Variants in CPSF2 observed in about 807,000 individuals in gnomAD.
CPSF2 encodes the protein cleavage and polyadenylation specificity factor subunit 2.
Under a neutral mutation model 84.2 loss-of-function variants are expected in CPSF2, and 51 were observed. The ratio of observed to expected loss-of-function variants is 0.61; its 90% CI spans 0.48 to 0.77. CPSF2 has a LOEUF of 0.77. CPSF2 is among the 30% of genes least tolerant of loss of function. The probability of loss-of-function intolerance (pLI) is 0.00; values close to 1 mark genes in which losing one functional copy is unlikely to be tolerated. For synonymous variants in CPSF2, 286 were observed against 311.9 expected (o/e 0.92, Z 0.87); for missense variants, 641 against 929.4 (o/e 0.69, Z 4.03).
At chr14:92,131,576 C>T (rs1398709788) in intron 3 of CPSF2, among the ~76,000 whole-genome samples, 2 of 152,126 alleles carry the variant, frequency 1.3e-5, no homozygotes, top group African/African-American at 4.8e-5. Flanking sequence ...CAGTGGCTCA[C>T]GCTGGCAATC....
chr14:92,159,351 G>GT (rs371556872), intron 14 of CPSF2, 69 bp downstream of exon 14: 3 of 1,331,354 alleles, frequency 2.3e-6, no homozygotes, highest in African/African-American at 3.0e-5. Context: ...ATGTCTTTTG[G>GT]TTTTTTTCCC....
rs148094968 is a variant in CPSF2, at chr14:92,171,616, C to T, written c.*9872C>T. ...TATTAGTGGAGAATGGTATTTAAAA[C>T]CAAGATCCGGATGCTAAAGGCTGTG... On this transcript the variant is annotated 3_prime_UTR_variant, in exon 16 of 16. Coordinates refer to ENST00000298875, the MANE Select transcript of CPSF2 (RefSeq NM_017437.3). 1.5e-3 allele frequency: 229 copies of T among 152,244 alleles called. No individual in the cohort carries two copies. The highest frequency in any genetic ancestry group is 4.6e-3 in the African/African-American group (193 of 41,538). 9.4% of individuals were successfully genotyped at this position (152,244 alleles called of 1,614,324 possible). A position where few individuals can be genotyped will look rare whatever the true frequency, so the allele number is the denominator to read the frequency against.
intron 9 of CPSF2, among the ~76,000 whole-genome samples, chr14:92,148,495 T>G (rs1273973689): frequency 6.6e-6 from 1 of 152,194 alleles, no homozygotes. Flanking sequence ...ATGACCACAA[T>G]GTCCTTTATA....
chr14:92,122,845 TTTTC>T (rs1178257401), intron 1 of CPSF2, among the ~76,000 whole-genome samples: 138 of 148,640 alleles, frequency 9.3e-4, no homozygotes, highest in Non-Finnish European at 1.3e-3. Flanking sequence ...CCCCTTTCTT[TTTTC>T]TTTCTTTTTT....
At position 92,130,970 on chromosome 14, in the gene CPSF2, T is replaced by C. The variant is rs560501389; in HGVS notation, c.-15T>C. On this transcript the variant is annotated 5_prime_UTR_variant, in exon 3 of 16. Transcript: ENST00000298875. The stretch of plus-strand genomic sequence containing the variant: ...TGAAAGACTCTTCTAGCTTGCTGTT[T>C]CTGGACCAAAAAAAATGACGTCTAT... 57 of 1,608,284 alleles carry C rather than the reference T, an allele frequency of 3.5e-5. No individual in the cohort carries two copies. In the African/African-American group the frequency reaches 6.8e-4, roughly 19 times the overall value.
chr14:92,161,598 T>C (rs766582336), intron 15 of CPSF2, 54 bp from the exon 16 acceptor site: 4 of 1,239,890 alleles, frequency 3.2e-6, no homozygotes, highest in Non-Finnish European at 4.6e-6. Flanking sequence ...TTATTATGTC[T>C]GCATATTAAT....
chr14:92,144,091 T>C (rs1460646678), intron 9 of CPSF2, among the ~76,000 whole-genome samples: 1 of 152,216 alleles, frequency 6.6e-6, no homozygotes, highest in African/African-American at 2.4e-5. Context: ...ATCTTCCATT[T>C]GCAGTTTTTG....
chr14:92,161,868 T>C lies in CPSF2; in HGVS notation c.*124T>C. On this transcript the variant is annotated 3_prime_UTR_variant, in exon 16 of 16. Coordinates refer to ENST00000298875, the MANE Select transcript of CPSF2 (RefSeq NM_017437.3). ...AGAATCTGCCAGAAAAACTTACATG[T>C]ATCAGATTTTTAAAAATATAAATAG... 1.7e-6 allele frequency: 1 copy of C among 594,448 alleles called. No homozygotes were observed. 36.8% of individuals were successfully genotyped at this position (594,448 alleles called of 1,614,324 possible).
chr14:92,157,652 A>G lies in CPSF2; in HGVS notation c.1596-7A>G. On this transcript the variant is annotated splice_polypyrimidine_tract_variant and splice_region_variant and intron_variant, in intron 12 of 15. Transcript: ENST00000298875. The surrounding 1 kb of genome is among the most constrained non-coding windows in gnomAD (Gnocchi z 4.0). ...AAGTAATCTTGAATAATCATATCTA[A>G]TTACAGAGCCCGGGTTACCTACATA... The G allele has an allele frequency of 1.2e-6, 2 of 1,605,380 alleles. No individual in the cohort carries two copies. Among genetic ancestry groups the G allele is most frequent in the Non-Finnish European group, 1.7e-6 (2 of 1,173,046 alleles).
intron 3 of CPSF2, among the ~76,000 whole-genome samples, chr14:92,132,293 C>T (rs1025549729): frequency 1.6e-4 from 25 of 151,776 alleles, no homozygotes; most frequent in Non-Finnish European, 2.6e-4. Flanking sequence ...CACCACCCGG[C>T]CGGCTAAGTT....
chr14:92,152,295 A>T (rs1255412199), intron 9 of CPSF2, among the ~76,000 whole-genome samples: 1 of 151,014 alleles, frequency 6.6e-6, no homozygotes. Context: ...ACGCCCGGCT[A>T]ATTTTGTATT....
At chr14:92,138,555 G>C (rs768073113) in intron 7 of CPSF2, among the ~76,000 whole-genome samples, 5 of 151,846 alleles carry the variant, frequency 3.3e-5, no homozygotes, top group African/African-American at 4.8e-5. Flanking sequence ...TCAGCCTCCC[G>C]AGTAGCTGGG....
chr14:92,139,341 C>T (rs1001572610), intron 7 of CPSF2, among the ~76,000 whole-genome samples: 5 of 151,448 alleles, frequency 3.3e-5, no homozygotes, highest in African/African-American at 9.7e-5. Context: ...GGCGTAAACC[C>T]GGAAGGCGGA....
chr14:92,153,866 CTTT>C (rs767628179), intron 9 of CPSF2, among the ~76,000 whole-genome samples: 7 of 121,628 alleles, frequency 5.8e-5, no homozygotes, highest in Non-Finnish European at 3.4e-5. Flanking sequence ...CCACTCCTGG[CTTT>C]TTTTTTTTTT....
intron 7 of CPSF2, 72 bp downstream of exon 7, chr14:92,138,419 C>A: frequency 1.4e-6 from 1 of 697,152 alleles, no homozygotes; most frequent in Non-Finnish European, 2.2e-6. Context: ...AATATAAGTA[C>A]ATAAAAGTAC....
Position 92,165,854 on chromosome 14 carries a change from C to CTTTTGT in CPSF2, c.*4114_*4115insGTTTTT, listed in dbSNP as rs2069438135. ...CAGTTCTTTGTGCTTGGTTTTATAT[C>CTTTTGT]TTTTTTTTTTTTTTTTTTTTTTTTT... On this transcript the variant is annotated 3_prime_UTR_variant, in exon 16 of 16. Coordinates refer to ENST00000298875, the MANE Select transcript of CPSF2 (RefSeq NM_017437.3). 2.6e-4 allele frequency: 13 copies of CTTTTGT among 50,636 alleles called. No individual in the cohort carries two copies. The highest frequency in any genetic ancestry group is 1.2e-3 in the African/African-American group (13 of 10,766). 3.1% of individuals were successfully genotyped at this position (50,636 alleles called of 1,614,324 possible).
Position 92,134,240 on chromosome 14 carries a change from A to G in CPSF2, c.310-10A>G. The G allele has an allele frequency of 6.2e-7, 1 of 1,611,454 alleles. No homozygotes were observed. Among genetic ancestry groups the G allele is most frequent in the Non-Finnish European group, 8.5e-7 (1 of 1,177,748 alleles). ...ATTGTTTTTCACCTTTATTTGTGTTATTCTTTTAGTCTCGACACAATACAG... is the reference window on the plus strand; with the variant it reads ...ATTGTTTTTCACCTTTATTTGTGTTGTTCTTTTAGTCTCGACACAATACAG... On this transcript the variant is annotated splice_polypyrimidine_tract_variant and intron_variant, in intron 4 of 15. Transcript: ENST00000298875.
chr14:92,152,502 G>A (rs1279018474), intron 9 of CPSF2, among the ~76,000 whole-genome samples: 2 of 148,628 alleles, frequency 1.3e-5, no homozygotes, highest in East Asian at 2.0e-4. Flanking sequence ...GTAATGGTGC[G>A]ATTATGGCTC....
At chr14:92,140,591 C>A (rs2069064443) in intron 7 of CPSF2, among the ~76,000 whole-genome samples, 1 of 151,430 alleles carries the variant, frequency 6.6e-6, no homozygotes, top group Non-Finnish European at 1.5e-5. Flanking sequence ...TGCAACCATG[C>A]CCGGCTAATT....
Sources: allele counts gnomAD v4.1 joint callset (sites outside exome capture counted in the v4.1 genomes callset), GRCh38; gene constraint gnomAD v4.1.1; non-coding constraint Gnocchi (gnomAD v3.1); transcripts MANE v1.5; gene names NCBI Gene and HGNC (gene_info 2026-07-23, HGNC 2026-07-21).